The following ITPR1 variants were observed in gnomAD, a reference collection of about 807,000 sequenced individuals.
ITPR1 encodes inositol 1,4,5-trisphosphate-gated calcium channel ITPR1.
ITPR1 carries 96 observed loss-of-function variants against 318.4 expected under a neutral mutation model. The ratio of observed to expected loss-of-function variants is 0.30; its 90% CI spans 0.26 to 0.36. The LOEUF (loss-of-function observed/expected upper bound fraction) is 0.36. ITPR1 is among the 10% of genes least tolerant of loss of function. The pLI, the probability that ITPR1 is intolerant of heterozygous loss-of-function variation, is 1.00. For synonymous variants in ITPR1, 1,312 were observed against 1,289.9 expected, an observed-to-expected ratio of 1.02 and a Z score of -0.37; for missense variants, 2,440 against 3,460.2, an observed-to-expected ratio of 0.71 and a Z score of 7.40.
intron 55 of ITPR1, among the ~76,000 whole-genome samples, chr3:4,809,435 G>A (rs779858705): frequency 2.6e-5 from 4 of 152,154 alleles, no homozygotes; most frequent in African/African-American, 9.7e-5. Flanking sequence ...ACAGGAAAAT[G>A]TTCCTGATGG....
At chr3:4,825,553 C>A (rs894242830) in intron 60 of ITPR1, among the ~76,000 whole-genome samples, 1 of 152,176 alleles carries the variant, frequency 6.6e-6, no homozygotes, top group Non-Finnish European at 1.5e-5. Flanking sequence ...TACTAAACAT[C>A]TATGAGGAAA....
At position 4,691,231 on chromosome 3, in the gene ITPR1, G is replaced by A. The variant is rs187604016; in HGVS notation, c.3916G>A (p.Val1306Ile). ...EINERVVQHF[V>I]HCIETHGRNV... is the part of the protein sequence containing the mutation. Reference sequence around the variant, plus strand: ...CAACGAGAGAGTTGTTCAGCACTTCGTTCACTGCATAGAGACTCACGGTCG... The same window carrying A: ...CAACGAGAGAGTTGTTCAGCACTTCATTCACTGCATAGAGACTCACGGTCG... Residue 1306 changes from valine (V) to isoleucine (I), a missense_variant, in exon 32 of 62, where the codon GTT (valine) becomes ATT (isoleucine). Val to Ile is a conservative substitution (Grantham distance 29). Coordinates refer to ENST00000649015, the MANE Select transcript of ITPR1 (RefSeq NM_001378452.1). The A allele has an allele frequency of 9.3e-6, 15 of 1,612,700 alleles. No homozygotes were observed. Among genetic ancestry groups the A allele is most frequent in the East Asian group, 2.2e-5 (1 of 44,886 alleles).
intron 58 of ITPR1, 119 bp from the exon 59 acceptor site, chr3:4,814,934 T>A: frequency 1.2e-6 from 1 of 847,724 alleles, no homozygotes; most frequent in Non-Finnish European, 1.9e-6. Flanking sequence ...GTTTAAAAGT[T>A]GAATGCCCAA....
chr3:4,815,985 TAC>T (rs10607666), intron 59 of ITPR1, among the ~76,000 whole-genome samples: 30,527 of 149,454 alleles, frequency 0.2, 3,264 homozygotes, highest in Admixed American at 0.26. Flanking sequence ...ATTTGCTTTA[TAC>T]ACACACACAC....
chr3:4,610,473 A>G (rs571245553), intron 4 of ITPR1, among the ~76,000 whole-genome samples: 1 of 152,326 alleles, frequency 6.6e-6, no homozygotes, highest in Admixed American at 6.5e-5. Flanking sequence ...TGACCAAGCC[A>G]ATAGCTTATG....
chr3:4,760,939 A>G (rs577223909), intron 44 of ITPR1, among the ~76,000 whole-genome samples: 6 of 152,340 alleles, frequency 3.9e-5, no homozygotes, highest in Admixed American at 2.0e-4. Context: ...CCTTCGCCAC[A>G]TAAGACAGCA....
chr3:4,575,446 G>T (rs2088539395), intron 4 of ITPR1, among the ~76,000 whole-genome samples: 1 of 152,172 alleles, frequency 6.6e-6, no homozygotes, highest in African/African-American at 2.4e-5. Context: ...GCCTTAAAAA[G>T]CAGAAAATTT....
Position 4,677,613 on chromosome 3 carries a change from C to T in ITPR1, c.2967+812C>T, listed in dbSNP as rs79241773. Among the ~76,000 whole-genome samples, 173 of 152,148 alleles carry T rather than the reference C, an allele frequency of 1.1e-3. 1 individual carries two copies. The highest frequency in any genetic ancestry group is 4.4e-3 in the East Asian group (23 of 5,180). On this transcript the variant is annotated intron_variant, in intron 24 of 61. Coordinates refer to ENST00000649015, the MANE Select transcript of ITPR1 (RefSeq NM_001378452.1). ...AAGAGGGAATGGGAGAAGATCAAGT[C>T]GGGGAGTAAATATATATAGCTTCTT...
chr3:4,557,197 A>G (rs1559442839), intron 4 of ITPR1, among the ~76,000 whole-genome samples: 1 of 152,216 alleles, frequency 6.6e-6, no homozygotes. Flanking sequence ...ACAGTTCCAC[A>G]TGACTGGGGA....
intron 44 of ITPR1, among the ~76,000 whole-genome samples, chr3:4,758,773 C>A (rs1017435717): frequency 2.6e-5 from 4 of 152,162 alleles, no homozygotes; most frequent in African/African-American, 9.7e-5. Flanking sequence ...TAAATTATGG[C>A]CTTGGCTCCT....
intron 40 of ITPR1, among the ~76,000 whole-genome samples, chr3:4,722,745 C>G (rs1044213647): frequency 1.1e-5 from 1 of 90,298 alleles, no homozygotes; most frequent in East Asian, 2.3e-4. Flanking sequence ...CCTTCCATGC[C>G]TGGCCCATGG....
intron 40 of ITPR1, among the ~76,000 whole-genome samples, chr3:4,722,915 G>A (rs944023779): frequency 2.0e-5 from 3 of 152,182 alleles, no homozygotes; most frequent in Non-Finnish European, 4.4e-5. Context: ...TTGGGAGCCC[G>A]AGGCAGGCGG....
rs1559938063 is a variant in ITPR1, at chr3:4,811,457, C to T, written c.7465C>T (p.Pro2489Ser). The T allele has an allele frequency of 1.2e-6, 2 of 1,612,694 alleles. No homozygotes were observed. The highest frequency in any genetic ancestry group is 1.7e-5 in the Admixed American group (1 of 59,886). ...TAGGCTGCCCAATGAAACAGCTGTTCCAGGTGGGTTTGGGATCTTCTGATC... is the reference window on the plus strand; with the variant it reads ...TAGGCTGCCCAATGAAACAGCTGTTTCAGGTGGGTTTGGGATCTTCTGATC... ...VDRLPNETAV[P>S]ETGESLASEF... Residue 2489 changes from proline (P) to serine (S), a missense_variant, in exon 56 of 62, where the codon CCA becomes TCA. Physicochemically the swap from Pro to Ser is moderately conservative, Grantham distance 74. Around this residue, in one of 23 missense-constraint regions of ITPR1, gnomAD observed 88 missense variants for 90.5 expected, o/e 0.97. Coordinates refer to ENST00000649015, the MANE Select transcript of ITPR1 (RefSeq NM_001378452.1).
intron 4 of ITPR1, among the ~76,000 whole-genome samples, chr3:4,557,418 T>C (rs2086237703): frequency 6.6e-6 from 1 of 152,184 alleles, no homozygotes; most frequent in Non-Finnish European, 1.5e-5. Flanking sequence ...GTGGGAGTTA[T>C]GGGAGCTACA....
intron 4 of ITPR1, among the ~76,000 whole-genome samples, chr3:4,610,451 G>C (rs531188316): frequency 6.6e-6 from 1 of 151,836 alleles, no homozygotes; most frequent in East Asian, 1.9e-4. Flanking sequence ...AGTTTTTCCT[G>C]GAGGATCTCG....
Position 4,727,192 on chromosome 3 carries a change from TG to T in ITPR1, c.5220+22del, listed in dbSNP as rs1398718668. On this transcript the variant is annotated intron_variant, in intron 42 of 61. Transcript: ENST00000649015. Reference sequence around the variant, plus strand: ...TAAAAGGGTACGTAGTCTTGAGTCTTGGGTATCGGGAGCTAATGATCAATGA... The same window carrying T: ...TAAAAGGGTACGTAGTCTTGAGTCTTGGTATCGGGAGCTAATGATCAATGA... 1 of 1,572,550 alleles carries T rather than the reference TG, an allele frequency of 6.4e-7. No homozygotes were observed. Among genetic ancestry groups the T allele is most frequent in the Non-Finnish European group, 8.6e-7 (1 of 1,162,262 alleles).
At chr3:4,637,230 T>C (rs1219404814) in intron 5 of ITPR1, among the ~76,000 whole-genome samples, 1 of 152,228 alleles carries the variant, frequency 6.6e-6, no homozygotes, top group African/African-American at 2.4e-5. Context: ...ATTTTCCCCC[T>C]CTTGAGTTTG....
chr3:4,516,468 T>C lies in ITPR1; in HGVS notation c.-16-8T>C, dbSNP rs761845456. The stretch of plus-strand genomic sequence containing the variant: ...TTCTAACAATGCTGCATATTTTACT[T>C]TGTCTAGGATTTTCAAGAAAGACAT... On this transcript the variant is annotated splice_polypyrimidine_tract_variant and splice_region_variant and intron_variant, in intron 2 of 61. Coordinates refer to ENST00000649015, the MANE Select transcript of ITPR1 (RefSeq NM_001378452.1). 34 of 1,362,622 alleles carry C rather than the reference T, an allele frequency of 2.5e-5. No individual in the cohort carries two copies. Among genetic ancestry groups the C allele is most frequent in the Non-Finnish European group, 3.3e-5 (33 of 987,212 alleles). The allele number at this position is 1,362,622 out of a possible 1,614,324, so 84.4% of individuals were successfully genotyped here.
At chr3:4,502,439 CT>C (rs1208850469) in intron 2 of ITPR1, among the ~76,000 whole-genome samples, 2 of 151,750 alleles carry the variant, frequency 1.3e-5, no homozygotes, top group South Asian at 2.1e-4. Flanking sequence ...TTTTGTACCC[CT>C]CTCTCCTTTT....
Sources: gnomAD v4.1 joint callset for allele counts (sites outside exome capture counted in the v4.1 genomes callset) on GRCh38, gnomAD v4.1.1 for gene constraint, gnomAD v4.1.1 regional missense constraint, MANE v1.5 for transcripts, NCBI Gene and HGNC (gene_info 2026-07-23, HGNC 2026-07-21) for gene names.